SNTG1: variants seen among roughly 807,000 people sequenced by gnomAD.
The protein encoded by SNTG1 is gamma-1-syntrophin.
Under a neutral mutation model 74.7 loss-of-function variants are expected in SNTG1, and 39 were observed. The observed-to-expected ratio is 0.52, with a 90% CI of 0.40 to 0.68. The LOEUF (loss-of-function observed/expected upper bound fraction) is 0.68. Among genes scored for constraint, SNTG1 ranks in the 30% least tolerant of loss-of-function variants. SNTG1 has a pLI of 0.00. For missense variants in SNTG1, 685 were observed against 609.5 expected (o/e 1.12, Z -1.30); for synonymous variants, 254 against 217.1 (o/e 1.17, Z -1.49).
At chr8:50,602,525 T>C (rs1219877824) in intron 13 of SNTG1, among the ~76,000 whole-genome samples, 2 of 152,248 alleles carry the variant, frequency 1.3e-5, no homozygotes, top group East Asian at 3.8e-4. Context: ...CTACTTAAGA[T>C]GAATAGTTTA....
At chr8:50,252,455 C>G (rs764166243) in intron 2 of SNTG1, among the ~76,000 whole-genome samples, 1 of 152,024 alleles carries the variant, frequency 6.6e-6, no homozygotes, top group South Asian at 2.1e-4. Flanking sequence ...TTAACAAACT[C>G]TTGGTTAGAT....
chr8:50,554,224 A>C (rs1181846931), intron 12 of SNTG1, among the ~76,000 whole-genome samples: 3 of 152,142 alleles, frequency 2.0e-5, no homozygotes, highest in African/African-American at 7.2e-5. Flanking sequence ...ATTTCAAACA[A>C]CGCCATCATA....
chr8:50,242,595 G>T (rs1340034677), intron 2 of SNTG1, among the ~76,000 whole-genome samples: 5 of 149,646 alleles, frequency 3.3e-5, no homozygotes, highest in Non-Finnish European at 7.4e-5. Flanking sequence ...ATGGAAGCTT[G>T]TATATTGATG....
chr8:50,220,405 A>G (rs1248815763), intron 2 of SNTG1, among the ~76,000 whole-genome samples: 1 of 152,174 alleles, frequency 6.6e-6, no homozygotes, highest in Non-Finnish European at 1.5e-5. Context: ...GAGAACAAAG[A>G]GTTGTGGAAG....
chr8:50,194,368 G>C (rs764969686), intron 2 of SNTG1, among the ~76,000 whole-genome samples: 12 of 151,778 alleles, frequency 7.9e-5, no homozygotes, highest in Non-Finnish European at 1.3e-4. Flanking sequence ...TTCTGTTCAG[G>C]GTATCTAATT....
chr8:50,323,728 C>T (rs1369924965), intron 2 of SNTG1, among the ~76,000 whole-genome samples: 1 of 152,120 alleles, frequency 6.6e-6, no homozygotes, highest in Non-Finnish European at 1.5e-5. Context: ...TGGGACTGTG[C>T]TGGGTCAGAC....
At chr8:50,231,740 T>A (rs1226901302) in intron 2 of SNTG1, among the ~76,000 whole-genome samples, 1 of 151,184 alleles carries the variant, frequency 6.6e-6, no homozygotes, top group Non-Finnish European at 1.5e-5. Flanking sequence ...AAGATGATAA[T>A]CAAAGGGTAC....
At chr8:50,759,322 C>T (rs919541210) in intron 18 of SNTG1, among the ~76,000 whole-genome samples, 12 of 152,120 alleles carry the variant, frequency 7.9e-5, no homozygotes, top group Admixed American at 2.6e-4. Context: ...AACGAGATCT[C>T]GTTTGTCAAT....
At chr8:49,989,119 A>T (rs1813444631) in intron 1 of SNTG1, among the ~76,000 whole-genome samples, 1 of 151,968 alleles carries the variant, frequency 6.6e-6, no homozygotes, top group African/African-American at 2.4e-5. Flanking sequence ...ATAAATTTTA[A>T]AAAATGTAAA....
At chr8:50,408,882 G>A (rs1161364571) in intron 4 of SNTG1, among the ~76,000 whole-genome samples, 2 of 152,146 alleles carry the variant, frequency 1.3e-5, no homozygotes, top group Non-Finnish European at 2.9e-5. Flanking sequence ...GATTTGGATA[G>A]CAAAGGGACC....
chr8:50,013,819 A>C (rs1488247530), intron 1 of SNTG1, among the ~76,000 whole-genome samples: 1 of 152,160 alleles, frequency 6.6e-6, no homozygotes, highest in East Asian at 1.9e-4. Context: ...TCATGGGCTC[A>C]GGGATTTTAT....
chr8:50,643,802 G>A (rs1310718779), intron 13 of SNTG1: 2 of 152,364 alleles, frequency 1.3e-5, no homozygotes, highest in Admixed American at 6.5e-5. Context: ...GATGGAGGGA[G>A]GGTTTGCTTG....
chr8:50,223,046 C>G (rs1413942806), intron 2 of SNTG1, among the ~76,000 whole-genome samples: 1 of 151,926 alleles, frequency 6.6e-6, no homozygotes, highest in Admixed American at 6.6e-5. Context: ...CCCTGAAAAC[C>G]TTGGTACCAA....
intron 15 of SNTG1, among the ~76,000 whole-genome samples, chr8:50,703,933 T>C (rs114746991): frequency 2.1e-3 from 319 of 152,336 alleles, no homozygotes; most frequent in African/African-American, 7.3e-3. Flanking sequence ...ATTGGGTTAC[T>C]CTGTTTCATA....
intron 2 of SNTG1, among the ~76,000 whole-genome samples, chr8:50,264,352 G>A (rs947832470): frequency 2.0e-5 from 3 of 152,102 alleles, no homozygotes; most frequent in African/African-American, 7.2e-5. Flanking sequence ...AAGATCGTTT[G>A]AGGTCAGGAG....
intron 18 of SNTG1, among the ~76,000 whole-genome samples, chr8:50,791,633 T>G (rs1274180868): frequency 6.6e-6 from 1 of 151,856 alleles, no homozygotes; most frequent in African/African-American, 2.4e-5. Context: ...GTAAACACAG[T>G]CATGTACATA....
intron 17 of SNTG1, among the ~76,000 whole-genome samples, chr8:50,750,519 G>GAT: frequency 6.6e-6 from 1 of 152,016 alleles, no homozygotes; most frequent in East Asian, 2.0e-4. Flanking sequence ...AATCTTTCAT[G>GAT]AAACAGTCAA....
chr8:50,783,144 G>T (rs1452284880), intron 18 of SNTG1, among the ~76,000 whole-genome samples: 2 of 152,176 alleles, frequency 1.3e-5, no homozygotes, highest in Admixed American at 6.5e-5. Context: ...GGGGGTCAGG[G>T]GTCAGGGACC....
intron 1 of SNTG1, among the ~76,000 whole-genome samples, chr8:49,969,631 A>G (rs1811474890): frequency 6.6e-6 from 1 of 151,938 alleles, no homozygotes; most frequent in Admixed American, 6.6e-5. Context: ...TCCTGACCTC[A>G]GGTGATCCAC....
Sources: allele counts gnomAD v4.1 joint callset (sites outside exome capture counted in the v4.1 genomes callset), GRCh38; gene constraint gnomAD v4.1.1; transcripts MANE v1.5; gene names NCBI Gene and HGNC (gene_info 2026-07-23, HGNC 2026-07-21).